The following BMP2K variants were observed in gnomAD, a reference collection of about 807,000 sequenced individuals.
The protein encoded by BMP2K is BMP2 inducible kinase.
BMP2K carries 74 observed loss-of-function variants against 116.0 expected under a neutral mutation model. The ratio of observed to expected loss-of-function variants is 0.64; its 90% confidence interval spans 0.53 to 0.77. The LOEUF is 0.77. Ranked by LOEUF, BMP2K falls within the 30% of genes least tolerant of loss-of-function variation. BMP2K has a pLI of 0.00. For synonymous variants in BMP2K, 486 were observed against 502.5 expected, an observed-to-expected ratio of 0.97 and a Z score of 0.44; for missense variants, 1,365 against 1,403.6, an observed-to-expected ratio of 0.97 and a Z score of 0.44.
At chr4:78,872,821 C>A in intron 13 of BMP2K, 23 bp downstream of exon 13, 1 of 1,600,532 alleles carries the variant, frequency 6.2e-7, no homozygotes, top group South Asian at 1.1e-5. Context: ...CCAGTGAAAG[C>A]AAAGGAAATT....
intron 7 of BMP2K, among the ~76,000 whole-genome samples, chr4:78,853,761 A>T (rs1731370932): frequency 6.6e-6 from 1 of 152,158 alleles, no homozygotes; most frequent in East Asian, 1.9e-4. Flanking sequence ...GGGGCATTTA[A>T]AAAGTACCCA....
rs1278595992 is a variant in BMP2K at position 78,909,872 on chromosome 4, CT to C, written c.2063-735del. On this transcript the variant is annotated intron_variant, in intron 15 of 15. Transcript: ENST00000502613. ...GTGTATAGCAAAGTGCCCTATATTT[CT>C]TTCGTTGAATGAACTCAGAAAATGA... Among the ~76,000 whole-genome samples the C allele has an allele frequency of 1.7e-4, 26 of 152,302 alleles. 1 individual carries two copies. Among genetic ancestry groups the C allele is most frequent in the African/African-American group, 6.0e-4 (25 of 41,570 alleles).
chr4:78,865,992 A>G (rs1265494746), intron 10 of BMP2K, among the ~76,000 whole-genome samples: 1 of 152,192 alleles, frequency 6.6e-6, no homozygotes, highest in Admixed American at 6.5e-5. Flanking sequence ...CCCTAGAGTC[A>G]TCAACTAATA....
chr4:78,839,088 A>G (rs923427478), intron 3 of BMP2K, among the ~76,000 whole-genome samples: 1 of 152,202 alleles, frequency 6.6e-6, no homozygotes, highest in Admixed American at 6.5e-5. Context: ...AAAAAATTCC[A>G]AAACTCAATA....
intron 1 of BMP2K, among the ~76,000 whole-genome samples, chr4:78,782,706 T>A (rs1231116586): frequency 6.6e-6 from 1 of 152,242 alleles, no homozygotes. Context: ...CATTGTATTT[T>A]TATTTATTCT....
intron 1 of BMP2K, among the ~76,000 whole-genome samples, chr4:78,821,678 T>C (rs939643174): frequency 6.6e-6 from 1 of 152,198 alleles, no homozygotes; most frequent in Non-Finnish European, 1.5e-5. Context: ...AAGTCAGTTT[T>C]CCTATTTGCC....
intron 14 of BMP2K, among the ~76,000 whole-genome samples, chr4:78,884,938 A>C (rs1442286247): frequency 1.3e-5 from 2 of 152,234 alleles, no homozygotes; most frequent in Non-Finnish European, 2.9e-5. Context: ...TTTTGACAAC[A>C]AAATAATAAA....
At chr4:78,847,925 A>G (rs1731087368) in intron 6 of BMP2K, among the ~76,000 whole-genome samples, 2 of 151,698 alleles carry the variant, frequency 1.3e-5, no homozygotes, top group African/African-American at 4.8e-5. Flanking sequence ...ACTTAGCCAT[A>G]TCTATCACAA....
chr4:78,785,966 C>A (rs943586604), intron 1 of BMP2K, among the ~76,000 whole-genome samples: 1 of 152,140 alleles, frequency 6.6e-6, no homozygotes. Context: ...ATTCAGGACC[C>A]CCTGACCTGA....
At chr4:78,874,140 T>C (rs1732521489) in intron 13 of BMP2K, among the ~76,000 whole-genome samples, 1 of 151,798 alleles carries the variant, frequency 6.6e-6, no homozygotes, top group African/African-American at 2.4e-5. Context: ...ATCATGCCAC[T>C]GCACTCCAGC....
intron 7 of BMP2K, among the ~76,000 whole-genome samples, chr4:78,855,855 G>T (rs1373147350): frequency 6.6e-6 from 1 of 152,070 alleles, no homozygotes; most frequent in African/African-American, 2.4e-5. Flanking sequence ...TTAAAAAGTT[G>T]ATTTTATATT....
At position 78,911,312 on chromosome 4, in the gene BMP2K, T is replaced by C. The variant is rs897866721; in HGVS notation, c.2765T>C (p.Ile922Thr). The change falls in exon 16 of 16, where the codon ATC becomes ACC. Residue 922 changes from isoleucine (I) to threonine (T), a missense_variant. Physicochemically the swap from Ile to Thr is moderately conservative, Grantham distance 89. Around this residue, in one of 3 missense-constraint regions of BMP2K, gnomAD observed 596 missense variants for 623.2 expected, o/e 0.96. Transcript: ENST00000502613. ...CHAVGPEAHTIPGYPKSVDVF... is the reference protein window; with the variant it reads ...CHAVGPEAHTTPGYPKSVDVF... ...GCAGTGGGGCCTGAGGCACATACTA[T>C]CCCTGGTTATCCCAAAAGTGTAGAT... 6.2e-7 allele frequency: 1 copy of C among 1,613,822 alleles called. No homozygotes were observed. Among genetic ancestry groups the C allele is most frequent in the African/African-American group, 1.3e-5 (1 of 74,924 alleles).
At chr4:78,795,220 C>A (rs925957269) in intron 1 of BMP2K, among the ~76,000 whole-genome samples, 1 of 152,202 alleles carries the variant, frequency 6.6e-6, no homozygotes, top group African/African-American at 2.4e-5. Context: ...ACTACAAACT[C>A]ACACATACGG....
chr4:78,853,686 C>T lies in BMP2K; in HGVS notation c.883+2630C>T, dbSNP rs562568792. 2.6e-5 allele frequency among the ~76,000 whole-genome samples: 4 copies of T among 152,278 alleles called. No homozygotes were observed. The East Asian group carries it at 7.7e-4, about 29-fold the overall frequency. On this transcript the variant is annotated intron_variant, in intron 7 of 15. Coordinates refer to ENST00000502613, the MANE Select transcript of BMP2K (RefSeq NM_198892.2). ...GCCAAACAGCCTTGGATTGCATCTG[C>T]TCTGTCCCTGTTTGGTATGGAACAT... is the stretch of plus-strand genomic sequence containing the variant.
Position 78,910,860 on chromosome 4 carries a change from T to G in BMP2K, c.2313T>G (p.Asp771Glu), listed in dbSNP as rs763409505. 64 of 1,613,824 alleles carry G rather than the reference T, an allele frequency of 4.0e-5. No homozygotes were observed. The East Asian group carries it at 1.4e-3, about 35-fold the overall frequency. Residue 771 changes from aspartate (D) to glutamate (E), a missense_variant, in exon 16 of 16, where the codon GAT becomes GAG. Transcript: ENST00000502613. ...DEEVLQGEQG[D>E]FNDDDTEPEN... is the part of the protein sequence containing the mutation. ...AAGTTCTTCAGGGGGAACAAGGAGA[T>G]TTTAATGATGATGATACTGAACCAG... is the stretch of plus-strand genomic sequence containing the variant.
At chr4:78,864,463 C>A (rs1234678943) in intron 9 of BMP2K, among the ~76,000 whole-genome samples, 1 of 151,048 alleles carries the variant, frequency 6.6e-6, no homozygotes, top group East Asian at 1.9e-4. Flanking sequence ...GTTAAATTTT[C>A]ATGTCTTTTA....
intron 3 of BMP2K, among the ~76,000 whole-genome samples, chr4:78,834,324 C>T (rs945356988): frequency 1.1e-4 from 16 of 149,664 alleles, no homozygotes; most frequent in Admixed American, 9.3e-4. Flanking sequence ...TGCAGTGGTG[C>T]GATCTCGGCT....
rs1578456984 is a variant in BMP2K at position 78,776,731 on chromosome 4, C to T, written c.178+10C>T. On this transcript the variant is annotated intron_variant, in intron 1 of 15. Coordinates refer to ENST00000502613, the MANE Select transcript of BMP2K (RefSeq NM_198892.2). Reference sequence around the variant, plus strand: ...GAGTCGCTGGCCGAAGGTACGGGCGCCCGGGGAGGCTCGGACAGGCAGGTG... The same window carrying T: ...GAGTCGCTGGCCGAAGGTACGGGCGTCCGGGGAGGCTCGGACAGGCAGGTG... 3 of 1,264,364 alleles carry T rather than the reference C, an allele frequency of 2.4e-6. No individual in the cohort carries two copies. Among genetic ancestry groups the T allele is most frequent in the Non-Finnish European group, 3.0e-6 (3 of 1,001,154 alleles). 78.3% of individuals were successfully genotyped at this position (1,264,364 alleles called of 1,614,324 possible). A position where few individuals can be genotyped will look rare whatever the true frequency, so the allele number is the denominator to read the frequency against.
chr4:78,909,864 C>G (rs2110108262), intron 15 of BMP2K, among the ~76,000 whole-genome samples: 1 of 152,308 alleles, frequency 6.6e-6, no homozygotes, highest in South Asian at 2.1e-4. Context: ...GCAAAGTGCC[C>G]TATATTTCTT....
Sources: gnomAD v4.1 joint callset for allele counts (sites outside exome capture counted in the v4.1 genomes callset) on GRCh38, gnomAD v4.1.1 for gene constraint, gnomAD v4.1.1 regional missense constraint, MANE v1.5 for transcripts, NCBI Gene and HGNC (gene_info 2026-07-23, HGNC 2026-07-21) for gene names.